BPTF: variants seen among roughly 807,000 people sequenced by gnomAD.
The protein encoded by BPTF is nucleosome-remodeling factor subunit BPTF.
BPTF carries 18 observed loss-of-function variants against 292.5 expected under a neutral mutation model. The ratio of observed to expected loss-of-function variants is 0.06; its 90% CI spans 0.04 to 0.09. The LOEUF is 0.09. Among genes scored for constraint, BPTF ranks in the 10% least tolerant of loss-of-function variants. BPTF has a pLI of 1.00. For synonymous variants in BPTF, 1,225 were observed against 1,251.9 expected (o/e 0.98, Z 0.45); for missense variants, 2,726 against 3,498.7 (o/e 0.78, Z 5.57).
At chr17:67,840,159 A>G (rs940166870) in intron 1 of BPTF, among the ~76,000 whole-genome samples, 33 of 150,790 alleles carry the variant, frequency 2.2e-4, no homozygotes, top group Non-Finnish European at 3.7e-4. Flanking sequence ...CTGGAGAGCA[A>G]TGGCACAGTC....
At chr17:67,896,068 T>C (rs1465559481) in intron 7 of BPTF, among the ~76,000 whole-genome samples, 2 of 151,518 alleles carry the variant, frequency 1.3e-5, no homozygotes, top group Non-Finnish European at 2.9e-5. Context: ...GTTCACGCCA[T>C]TCTCCTGCCT....
chr17:67,913,950 C>T (rs2062819963), intron 11 of BPTF, among the ~76,000 whole-genome samples: 1 of 152,154 alleles, frequency 6.6e-6, no homozygotes, highest in Non-Finnish European at 1.5e-5. Flanking sequence ...ACTTTATTTG[C>T]TGTATCACAT....
Position 67,958,741 on chromosome 17 carries a change from G to A in BPTF, c.7927-800G>A, listed in dbSNP as rs564011303. On this transcript the variant is annotated intron_variant, in intron 23 of 27. Coordinates refer to ENST00000306378, the MANE Select transcript of BPTF (RefSeq NM_182641.4). ...GCACTTTGGGAGGCCGAGGCGGGTG[G>A]ATCACCTGAGGTCAGGAGTTTGCAA... Among the ~76,000 whole-genome samples the A allele has an allele frequency of 5.6e-4, 85 of 152,084 alleles. 1 individual carries two copies. The highest frequency in any genetic ancestry group is 1.6e-3 in the African/African-American group (66 of 41,472).
intron 1 of BPTF, among the ~76,000 whole-genome samples, chr17:67,852,703 A>G (rs2058483080): frequency 6.6e-6 from 1 of 152,248 alleles, no homozygotes; most frequent in African/African-American, 2.4e-5. Flanking sequence ...ATTGAATTAA[A>G]TATTTTGTAC....
intron 2 of BPTF, among the ~76,000 whole-genome samples, chr17:67,861,195 T>C (rs1162194386): frequency 6.6e-6 from 1 of 152,208 alleles, no homozygotes; most frequent in Non-Finnish European, 1.5e-5. Context: ...CCTTTATTGT[T>C]TGCTATGCCT....
chr17:67,835,210 C>G (rs1598118865), intron 1 of BPTF, among the ~76,000 whole-genome samples: 1 of 141,664 alleles, frequency 7.1e-6, no homozygotes, highest in African/African-American at 2.5e-5. Flanking sequence ...GAACCCATCT[C>G]TTAAAAAAAA....
chr17:67,865,774 C>G (rs1029936329), intron 2 of BPTF, among the ~76,000 whole-genome samples: 2 of 152,180 alleles, frequency 1.3e-5, no homozygotes, highest in Non-Finnish European at 2.9e-5. Flanking sequence ...AAGTCTTTAA[C>G]TCCATTAAAA....
chr17:67,925,964 C>T (rs1418189002), intron 15 of BPTF, among the ~76,000 whole-genome samples: 1 of 138,318 alleles, frequency 7.2e-6, no homozygotes. Flanking sequence ...TGTGTTTTCT[C>T]ATCTCTGCAA....
chr17:67,884,269 A>C (rs6504546), intron 4 of BPTF, among the ~76,000 whole-genome samples: 45,948 of 149,834 alleles, frequency 0.31, 8,265 homozygotes, highest in East Asian at 0.66. Flanking sequence ...CCACACCTGG[A>C]TAATTTTTGC....
At chr17:67,844,969 C>T (rs1394116104) in intron 1 of BPTF, among the ~76,000 whole-genome samples, 1 of 152,040 alleles carries the variant, frequency 6.6e-6, no homozygotes, top group Non-Finnish European at 1.5e-5. Flanking sequence ...TCACGAACTT[C>T]CAACCTCAAG....
At chr17:67,846,880 T>C (rs1294527301) in intron 1 of BPTF, among the ~76,000 whole-genome samples, 1 of 152,156 alleles carries the variant, frequency 6.6e-6, no homozygotes, top group Admixed American at 6.5e-5. Flanking sequence ...TTTGTTATTT[T>C]AGTAGAGACA....
intron 23 of BPTF, among the ~76,000 whole-genome samples, chr17:67,949,744 T>A (rs1400806066): frequency 3.3e-5 from 5 of 151,940 alleles, no homozygotes; most frequent in East Asian, 1.9e-4. Flanking sequence ...ACAGCTTTTT[T>A]AAAGAGAAGT....
intron 1 of BPTF, among the ~76,000 whole-genome samples, chr17:67,842,993 C>T (rs560884279): frequency 2.9e-4 from 44 of 151,550 alleles, no homozygotes; most frequent in Non-Finnish European, 7.4e-5. Context: ...AAAACACAAA[C>T]AGTTGTTTCT....
At chr17:67,960,197 T>G in intron 24 of BPTF, 1 of 213,164 alleles carries the variant, frequency 4.7e-6, no homozygotes, top group East Asian at 1.1e-4. Flanking sequence ...GGAGGTGTAT[T>G]ACTGTTGCCC....
intron 11 of BPTF, among the ~76,000 whole-genome samples, chr17:67,918,495 T>C (rs1006879440): frequency 6.6e-6 from 1 of 152,060 alleles, no homozygotes; most frequent in African/African-American, 2.4e-5. Flanking sequence ...ATATAGCCCC[T>C]TTTAAAAAAA....
intron 23 of BPTF, among the ~76,000 whole-genome samples, chr17:67,950,068 A>C (rs993214206): frequency 2.0e-5 from 3 of 151,188 alleles, no homozygotes; most frequent in African/African-American, 7.3e-5. Context: ...AAAAAAAAAA[A>C]AAAACATTTC....
intron 23 of BPTF, among the ~76,000 whole-genome samples, chr17:67,957,940 A>T (rs1555681773): frequency 6.6e-6 from 1 of 152,222 alleles, no homozygotes; most frequent in East Asian, 1.9e-4. Context: ...GTTTGTTCCT[A>T]GGGTAATAAG....
chr17:67,958,961 A>G (rs553281715), intron 23 of BPTF, among the ~76,000 whole-genome samples: 6 of 152,168 alleles, frequency 3.9e-5, no homozygotes, highest in Non-Finnish European at 7.4e-5. Flanking sequence ...CAAAAAATAT[A>G]TATATGAAAA....
At chr17:67,973,356 A>G (rs1568223679) in intron 26 of BPTF, among the ~76,000 whole-genome samples, 1 of 151,190 alleles carries the variant, frequency 6.6e-6, no homozygotes, top group Non-Finnish European at 1.5e-5. Context: ...CCTGGGCGAC[A>G]GAGCGAGACT....
Sources: allele counts gnomAD v4.1 joint callset (sites outside exome capture counted in the v4.1 genomes callset), GRCh38; gene constraint gnomAD v4.1.1; transcripts MANE v1.5; gene names NCBI Gene and HGNC (gene_info 2026-07-23, HGNC 2026-07-21).